Variants in THSD7A observed in about 807,000 individuals in gnomAD.
THSD7A encodes thrombospondin type 1 domain containing 7A, also known as thrombospondin type-1 domain-containing protein 7A.
THSD7A carries 96 observed loss-of-function variants against 231.3 expected under a neutral mutation model. The ratio of observed to expected loss-of-function variants is 0.41; its 90% CI spans 0.35 to 0.49. The LOEUF is 0.49. THSD7A is among the 20% of genes least tolerant of loss of function. The pLI is 0.05. For synonymous variants in THSD7A, 940 were observed against 743.3 expected (o/e 1.26, Z -4.30); for missense variants, 2,290 against 2,070.2 (o/e 1.11, Z -2.06).
chr7:11,805,392 T>C (rs1381424495), intron 1 of THSD7A, among the ~76,000 whole-genome samples: 3 of 152,076 alleles, frequency 2.0e-5, no homozygotes, highest in African/African-American at 7.2e-5. Context: ...TAATTCTATA[T>C]CTTGTTAATG....
rs80144294 is a variant in THSD7A, at chr7:11,657,387, G to A, written c.191-20426C>T. 3.0e-4 allele frequency among the ~76,000 whole-genome samples: 45 copies of A among 151,896 alleles called. No individual in the cohort carries two copies. The East Asian group carries it at 7.6e-3, about 26-fold the overall frequency. Reference sequence around the variant, plus strand: ...TAAACAAAAACAGCAAGTACGGGCTGTGTAAATAGGCAGTGGAGCATAGAC... The same window carrying A: ...TAAACAAAAACAGCAAGTACGGGCTATGTAAATAGGCAGTGGAGCATAGAC... On this transcript the variant is annotated intron_variant, in intron 1 of 27. Coordinates refer to ENST00000423059, the MANE Select transcript of THSD7A (RefSeq NM_015204.3).
chr7:11,406,227 A>C lies in THSD7A; in HGVS notation c.4237+73T>G. ...GTTGACATCCTGTAACTTATACTTT[A>C]TATGCAACCCCTTCACGGCCCTTGT... On this transcript the variant is annotated intron_variant, in intron 22 of 27. Coordinates refer to ENST00000423059, the MANE Select transcript of THSD7A (RefSeq NM_015204.3). The surrounding 1 kb of genome is among the most constrained non-coding windows in gnomAD (Gnocchi z 4.7). 7.0e-7 allele frequency: 1 copy of C among 1,433,376 alleles called. No individual in the cohort carries two copies. Among genetic ancestry groups the C allele is most frequent in the Non-Finnish European group, 9.5e-7 (1 of 1,054,420 alleles). 88.8% of individuals were successfully genotyped at this position (1,433,376 alleles called of 1,614,324 possible).
intron 6 of THSD7A, among the ~76,000 whole-genome samples, chr7:11,505,882 G>A (rs200948569): frequency 9.9e-5 from 15 of 152,092 alleles, no homozygotes; most frequent in African/African-American, 2.9e-4. Context: ...TCTTCTTCTC[G>A]TAGTGACTTG....
At chr7:11,829,171 T>C (rs562295602) in intron 1 of THSD7A, among the ~76,000 whole-genome samples, 21 of 152,208 alleles carry the variant, frequency 1.4e-4, no homozygotes, top group African/African-American at 4.8e-4. Flanking sequence ...TAGTTAAGTT[T>C]TGGGGAAGTC....
At chr7:11,666,594 G>T (rs7808576) in intron 1 of THSD7A, among the ~76,000 whole-genome samples, 66,588 of 151,538 alleles carry the variant, frequency 0.44, 14,855 homozygotes, top group East Asian at 0.52. Flanking sequence ...TAATAAAATT[G>T]TACTGTGAAT....
chr7:11,721,869 ACAACTT>A (rs1221661495), intron 1 of THSD7A, among the ~76,000 whole-genome samples: 1 of 151,836 alleles, frequency 6.6e-6, no homozygotes, highest in Non-Finnish European at 1.5e-5. Flanking sequence ...TTATATCTCT[ACAACTT>A]CATTTGGAAT....
chr7:11,712,560 C>T (rs1182988465), intron 1 of THSD7A, among the ~76,000 whole-genome samples: 2 of 150,988 alleles, frequency 1.3e-5, no homozygotes, highest in Non-Finnish European at 3.0e-5. Flanking sequence ...CACCAAATAT[C>T]AATAATATCA....
intron 4 of THSD7A, among the ~76,000 whole-genome samples, chr7:11,559,775 A>C (rs1023572717): frequency 6.6e-6 from 1 of 152,154 alleles, no homozygotes; most frequent in Non-Finnish European, 1.5e-5. Flanking sequence ...TAGTTTGTCA[A>C]AACATTTTAA....
chr7:11,520,506 G>A (rs1788219309), intron 6 of THSD7A, among the ~76,000 whole-genome samples: 1 of 151,958 alleles, frequency 6.6e-6, no homozygotes, highest in Non-Finnish European at 1.5e-5. Flanking sequence ...ATGCCACCAG[G>A]ATATAAAACC....
intron 1 of THSD7A, among the ~76,000 whole-genome samples, chr7:11,778,029 C>A (rs905818446): frequency 2.0e-5 from 3 of 146,930 alleles, no homozygotes; most frequent in African/African-American, 7.4e-5. Context: ...TAGTGGCGGG[C>A]GCCTGTAGTC....
At chr7:11,540,434 G>A (rs147133233) in intron 6 of THSD7A, among the ~76,000 whole-genome samples, 147 of 152,264 alleles carry the variant, frequency 9.7e-4, no homozygotes, top group African/African-American at 3.4e-3. Context: ...AAAATAGGAT[G>A]GAAAGAATTA....
chr7:11,676,632 C>T (rs529118952), intron 1 of THSD7A, among the ~76,000 whole-genome samples: 4 of 152,042 alleles, frequency 2.6e-5, no homozygotes, highest in African/African-American at 9.6e-5. Flanking sequence ...ACAGAAGTAT[C>T]AATAGCTGAT....
chr7:11,640,635 C>G (rs1373277086), intron 1 of THSD7A, among the ~76,000 whole-genome samples: 2 of 152,192 alleles, frequency 1.3e-5, no homozygotes, highest in African/African-American at 4.8e-5. Flanking sequence ...TTCAGATGAT[C>G]ACGGGTGTCA....
intron 2 of THSD7A, among the ~76,000 whole-genome samples, chr7:11,627,638 A>G (rs1781515472): frequency 6.6e-6 from 1 of 152,192 alleles, no homozygotes; most frequent in Non-Finnish European, 1.5e-5. Flanking sequence ...GGAGATGTAC[A>G]TAAACTGAAG....
At chr7:11,799,515 A>C (rs1486994012) in intron 1 of THSD7A, among the ~76,000 whole-genome samples, 1 of 152,208 alleles carries the variant, frequency 6.6e-6, no homozygotes, top group Non-Finnish European at 1.5e-5. Flanking sequence ...CAAGAATAAA[A>C]ATGTATCTTA....
Position 11,832,029 on chromosome 7 carries a change from G to C in THSD7A, c.-83C>G. On this transcript the variant is annotated 5_prime_UTR_variant, in exon 1 of 28. Transcript: ENST00000423059. ...TCCGCTCTTGGAACGTCTTTTCAAA[G>C]AGTACAGAAAGCAAAGCTCTTTCCT... 1.0e-6 allele frequency: 1 copy of C among 960,484 alleles called. No individual in the cohort carries two copies. The highest frequency in any genetic ancestry group is 1.3e-6 in the Non-Finnish European group (1 of 749,452). 59.5% of individuals were successfully genotyped at this position (960,484 alleles called of 1,614,324 possible).
chr7:11,749,875 C>T (rs566267645), intron 1 of THSD7A, among the ~76,000 whole-genome samples: 2 of 152,126 alleles, frequency 1.3e-5, no homozygotes, highest in African/African-American at 4.8e-5. Flanking sequence ...TTTACTTGTT[C>T]TTGAAATTCA....
chr7:11,500,977 C>T lies in THSD7A; in HGVS notation c.1823-18995G>A, dbSNP rs146025893. Among the ~76,000 whole-genome samples the T allele has an allele frequency of 2.0e-4, 30 of 150,644 alleles. No homozygotes were observed. In the East Asian group the frequency reaches 5.8e-3, roughly 29 times the overall value. On this transcript the variant is annotated intron_variant, in intron 6 of 27. Coordinates refer to ENST00000423059, the MANE Select transcript of THSD7A (RefSeq NM_015204.3). ...AAAAAGAAAAAAAGGAGTTGCAATC[C>T]TAATTTCAGACAAAACAGATTTCAA...
At chr7:11,403,687 A>T (rs980211787) in intron 22 of THSD7A, among the ~76,000 whole-genome samples, 6 of 152,192 alleles carry the variant, frequency 3.9e-5, no homozygotes, top group Admixed American at 2.0e-4. Context: ...TTTTGCAACA[A>T]AATGTAATAA....
Sources: gnomAD v4.1 joint callset for allele counts (sites outside exome capture counted in the v4.1 genomes callset) on GRCh38, gnomAD v4.1.1 for gene constraint, Gnocchi (gnomAD v3.1) non-coding constraint, MANE v1.5 for transcripts, NCBI Gene and HGNC (gene_info 2026-07-23, HGNC 2026-07-21) for gene names.